The following ADAM12 variants were observed in gnomAD, a reference collection of about 807,000 sequenced individuals.
ADAM12 encodes disintegrin and metalloproteinase domain-containing protein 12.
In ADAM12, 70 loss-of-function variants were observed where a neutral mutation model predicts 106.4. The ratio of observed to expected loss-of-function variants is 0.66; its 90% confidence interval spans 0.54 to 0.80. The LOEUF (loss-of-function observed/expected upper bound fraction) is 0.80. Among genes scored for constraint, ADAM12 ranks in the 30% least tolerant of loss-of-function variants. The pLI is 0.00. For synonymous variants in ADAM12, 420 were observed against 433.5 expected (o/e 0.97, Z 0.39); for missense variants, 1,010 against 1,171.9 (o/e 0.86, Z 2.02).
At chr10:126,379,958 A>C (rs11244969) in intron 1 of ADAM12, among the ~76,000 whole-genome samples, 42,127 of 152,104 alleles carry the variant, frequency 0.28, 6,626 homozygotes, top group Middle Eastern at 0.43. Context: ...CTAAGAATGG[A>C]TCATCTAAAC....
intron 3 of ADAM12, among the ~76,000 whole-genome samples, chr10:126,183,579 C>G (rs560910143): frequency 6.6e-6 from 1 of 152,320 alleles, no homozygotes; most frequent in African/African-American, 2.4e-5. Flanking sequence ...GAAGGCATAG[C>G]TGATAAGTCA....
chr10:126,333,575 T>C (rs1487803823), intron 1 of ADAM12, among the ~76,000 whole-genome samples: 1 of 152,152 alleles, frequency 6.6e-6, no homozygotes, highest in Non-Finnish European at 1.5e-5. Context: ...ACCTTGACTT[T>C]GGGGAAGTTC....
chr10:126,264,640 G>GT (rs1164852438), intron 3 of ADAM12, among the ~76,000 whole-genome samples: 4 of 152,202 alleles, frequency 2.6e-5, no homozygotes, highest in African/African-American at 9.6e-5. Flanking sequence ...GTTAGCCTCT[G>GT]TGTCTTCTCT....
intron 5 of ADAM12, among the ~76,000 whole-genome samples, chr10:126,132,055 A>C (rs1053933122): frequency 5.9e-5 from 9 of 151,566 alleles, no homozygotes; most frequent in Non-Finnish European, 8.8e-5. Flanking sequence ...GGCTCACTGC[A>C]ACCCCCGCCT....
At chr10:126,258,995 T>A (rs1310551914) in intron 3 of ADAM12, among the ~76,000 whole-genome samples, 1 of 152,220 alleles carries the variant, frequency 6.6e-6, no homozygotes, top group African/African-American at 2.4e-5. Context: ...CAATGCTTGT[T>A]ATATACCAGG....
In ADAM12 at chr10:126,218,232, G is replaced by A. The variant is rs530900905; in HGVS notation, c.260+60683C>T. ...ATCCACACTGAGATACATTTGGAGT[G>A]AGAAGGGACACTATAATACACGTGC... On this transcript the variant is annotated intron_variant, in intron 3 of 22. Coordinates refer to ENST00000448723, the MANE Select transcript of ADAM12 (RefSeq NM_001288973.2). 1.4e-3 allele frequency among the ~76,000 whole-genome samples: 210 copies of A among 152,248 alleles called. 1 individual carries two copies. The highest frequency in any genetic ancestry group is 7.7e-3 in the South Asian group (37 of 4,816).
intron 18 of ADAM12, chr10:126,042,145 A>G (rs1196390679): frequency 6.2e-7 from 1 of 1,613,588 alleles, no homozygotes; most frequent in African/African-American, 1.3e-5. Context: ...GATGAGTGTC[A>G]GTGAGGCAGT....
chr10:126,226,036 C>T (rs1449788970), intron 3 of ADAM12, among the ~76,000 whole-genome samples: 2 of 151,430 alleles, frequency 1.3e-5, no homozygotes, highest in Non-Finnish European at 2.9e-5. Flanking sequence ...GGACAGGCAT[C>T]TTATGGGGGA....
Position 126,269,564 on chromosome 10 carries a change from G to A in ADAM12, c.260+9351C>T, listed in dbSNP as rs74161629. Among the ~76,000 whole-genome samples the A allele has an allele frequency of 8.8e-3, 1,333 of 152,286 alleles. 21 individuals are homozygous for A. The highest frequency in any genetic ancestry group is 0.031 in the African/African-American group (1,279 of 41,558). On this transcript the variant is annotated intron_variant, in intron 3 of 22. Coordinates refer to ENST00000448723, the MANE Select transcript of ADAM12 (RefSeq NM_001288973.2). The stretch of plus-strand genomic sequence containing the variant: ...CACGTAACCATCCCGGTCGCACCAG[G>A]AGAGGGAAGGTGCAATGACAGCCAC...
chr10:126,039,376 C>T lies in ADAM12; in HGVS notation c.2158G>A (p.Ala720Thr). The change falls in exon 19 of 23, where the codon GCC becomes ACC. Residue 720 changes from alanine (A) to threonine (T), a missense_variant. Ala to Thr is a moderately conservative substitution (Grantham distance 58). Around this residue, in one of 3 missense-constraint regions of ADAM12, gnomAD observed 615 missense variants for 708.5 expected, o/e 0.87. Transcript: ENST00000448723. The stretch of plus-strand genomic sequence containing the variant: ...CTTTTGAGATAAACCACAAATCCGG[C>T]AGCAAGAAGACACAGGATGGTCACC... ...ILVTILCLLAAGFVVYLKRKT... is the reference protein window; with the variant it reads ...ILVTILCLLATGFVVYLKRKT... 6.2e-7 allele frequency: 1 copy of T among 1,614,076 alleles called. No homozygotes were observed. Among genetic ancestry groups the T allele is most frequent in the Non-Finnish European group, 8.5e-7 (1 of 1,179,994 alleles).
rs757575910 is a variant in ADAM12, at chr10:126,036,302, C to T, written c.2373G>A (p.Gln791=). The T allele has an allele frequency of 2.6e-6, 4 of 1,564,464 alleles. No individual in the cohort carries two copies. The part of the protein sequence containing the change: ...PPKDNPRRLL[Q]CQNVDISRPL... Reference sequence around the variant, plus strand: ...GTCTGCTGATGTCAACATTCTGACACTGCAGCAATCTCCTGGGATTGTCCT... The same window carrying T: ...GTCTGCTGATGTCAACATTCTGACATTGCAGCAATCTCCTGGGATTGTCCT... The change falls in exon 21 of 23, where the codon CAG becomes CAA. Residue 791 remains glutamine (Q), a synonymous_variant. Coordinates refer to ENST00000448723, the MANE Select transcript of ADAM12 (RefSeq NM_001288973.2).
At chr10:126,052,331 A>T (rs1954524371) in intron 14 of ADAM12, among the ~76,000 whole-genome samples, 1 of 152,218 alleles carries the variant, frequency 6.6e-6, no homozygotes. Context: ...CGGAAATACA[A>T]GCAGCTCCTA....
intron 3 of ADAM12, among the ~76,000 whole-genome samples, chr10:126,247,211 C>T (rs749633749): frequency 3.3e-5 from 5 of 152,174 alleles, no homozygotes; most frequent in Non-Finnish European, 7.3e-5. Flanking sequence ...AACATGAAGG[C>T]CATTGCTAGA....
intron 21 of ADAM12, among the ~76,000 whole-genome samples, chr10:126,023,179 T>C (rs955436796): frequency 6.6e-6 from 1 of 152,066 alleles, no homozygotes; most frequent in African/African-American, 2.4e-5. Flanking sequence ...GCAAATTCGG[T>C]CTACCTCTAG....
chr10:126,087,749 A>C (rs1162704508), intron 11 of ADAM12, among the ~76,000 whole-genome samples: 2 of 152,238 alleles, frequency 1.3e-5, no homozygotes, highest in African/African-American at 2.4e-5. Context: ...CAAGTTCTAC[A>C]GAGTGTGGAC....
At chr10:126,086,297 C>T (rs1955339638) in intron 11 of ADAM12, among the ~76,000 whole-genome samples, 2 of 152,008 alleles carry the variant, frequency 1.3e-5, no homozygotes, top group Non-Finnish European at 2.9e-5. Flanking sequence ...GGGAAAAAGC[C>T]GCTTGACTTT....
intron 3 of ADAM12, among the ~76,000 whole-genome samples, chr10:126,238,166 G>A (rs1373808603): frequency 2.0e-5 from 3 of 152,264 alleles, no homozygotes; most frequent in Middle Eastern, 3.4e-3. Flanking sequence ...CCTTCAAAAC[G>A]CTTCCTACAA....
intron 3 of ADAM12, among the ~76,000 whole-genome samples, chr10:126,238,758 G>C (rs962288154): frequency 6.6e-6 from 1 of 152,170 alleles, no homozygotes; most frequent in African/African-American, 2.4e-5. Context: ...CCAGGCAACA[G>C]CTCATAAAAT....
At position 126,064,162 on chromosome 10, in the gene ADAM12, G is replaced by A. The variant is rs1406980435; in HGVS notation, c.1609+644C>T. Among the ~76,000 whole-genome samples the A allele has an allele frequency of 6.6e-6, 1 of 152,202 alleles. No homozygotes were observed. Among genetic ancestry groups the A allele is most frequent in the East Asian group, 1.9e-4 (1 of 5,186 alleles). ...GTGTGCCAAGTGCCCAGCCTGAACTGGTGAAATGGTGAACTGATGGTCTCT... is the reference window on the plus strand; with the variant it reads ...GTGTGCCAAGTGCCCAGCCTGAACTAGTGAAATGGTGAACTGATGGTCTCT... On this transcript the variant is annotated intron_variant, in intron 14 of 22. Transcript: ENST00000448723. The surrounding 1 kb of genome is among the most constrained non-coding windows in gnomAD (Gnocchi z 4.4).
Sources: gnomAD v4.1 joint callset for allele counts (sites outside exome capture counted in the v4.1 genomes callset) on GRCh38, gnomAD v4.1.1 for gene constraint, gnomAD v4.1.1 regional missense constraint, Gnocchi (gnomAD v3.1) non-coding constraint, MANE v1.5 for transcripts, NCBI Gene and HGNC (gene_info 2026-07-23, HGNC 2026-07-21) for gene names.